AGBL1: variants seen among roughly 807,000 people sequenced by gnomAD.
The protein encoded by AGBL1 is AGBL carboxypeptidase 1, also known as cytosolic carboxypeptidase 4.
In AGBL1, 130 loss-of-function variants were observed where a neutral mutation model predicts 118.9. The ratio of observed to expected loss-of-function variants is 1.09; its 90% CI spans 0.95 to 1.26. AGBL1 has a LOEUF of 1.26. Among genes scored for constraint, AGBL1 ranks in the 50% most tolerant of loss-of-function variants. The probability of loss-of-function intolerance (pLI) is 0.00; values close to 1 mark genes in which losing one functional copy is unlikely to be tolerated. For missense variants in AGBL1, 1,584 were observed against 1,298.1 expected (o/e 1.22, Z -3.38); for synonymous variants, 555 against 478.9 (o/e 1.16, Z -2.08).
intron 23 of AGBL1, among the ~76,000 whole-genome samples, chr15:86,961,710 C>T (rs2080994780): frequency 6.6e-6 from 1 of 152,058 alleles, no homozygotes; most frequent in African/African-American, 2.4e-5. Context: ...AGGCCGGGGG[C>T]TCAGATGTTT....
chr15:86,114,754 C>A (rs1169203403), intron 1 of AGBL1, among the ~76,000 whole-genome samples: 2 of 152,114 alleles, frequency 1.3e-5, no homozygotes, highest in African/African-American at 4.8e-5. Flanking sequence ...GTGCAAATGA[C>A]AACCCACACC....
intron 17 of AGBL1, among the ~76,000 whole-genome samples, chr15:86,384,959 A>G (rs1184312198): frequency 4.6e-5 from 7 of 152,186 alleles, no homozygotes; most frequent in African/African-American, 1.7e-4. Flanking sequence ...CCATTGGGGT[A>G]TAGTAAACTT....
intron 22 of AGBL1, among the ~76,000 whole-genome samples, chr15:86,676,444 CAGAG>C (rs911490669): frequency 1.3e-4 from 20 of 152,064 alleles, no homozygotes; most frequent in African/African-American, 4.1e-4. Context: ...AAAAAGATGA[CAGAG>C]AGAAAAATTT....
intron 16 of AGBL1, among the ~76,000 whole-genome samples, chr15:86,293,166 C>G (rs1445464472): frequency 6.6e-6 from 1 of 152,136 alleles, no homozygotes; most frequent in Non-Finnish European, 1.5e-5. Context: ...TTAGGACATT[C>G]TTTTTCCCTT....
chr15:86,603,006 A>T (rs552352431), intron 21 of AGBL1, among the ~76,000 whole-genome samples: 34 of 152,222 alleles, frequency 2.2e-4, no homozygotes, highest in African/African-American at 8.2e-4. Flanking sequence ...GCAATTGTAG[A>T]TGAAGCCCCA....
intron 24 of AGBL1, among the ~76,000 whole-genome samples, chr15:87,021,826 G>C (rs1579553): frequency 0.35 from 53,293 of 151,936 alleles, 9,797 homozygotes; most frequent in East Asian, 0.51. Context: ...TTCTGCTCCA[G>C]AACAACTGCA....
chr15:86,754,013 AGAAAC>A (rs2077896797), intron 22 of AGBL1, among the ~76,000 whole-genome samples: 1 of 152,146 alleles, frequency 6.6e-6, no homozygotes, highest in Admixed American at 6.6e-5. Context: ...TCCACAGAAA[AGAAAC>A]CTAAATCAGG....
chr15:86,628,971 C>T lies in AGBL1; in HGVS notation c.2995-45302C>T, dbSNP rs965994397. ...AATTAATATGTCAGTCACCTTACAT[C>T]GTTAACTTTTTTGTGTATCTGATGA... On this transcript the variant is annotated intron_variant, in intron 21 of 22. Coordinates refer to ENST00000614907, the MANE Select transcript of AGBL1 (RefSeq NM_001386094.1). Among the ~76,000 whole-genome samples, 8 of 152,092 alleles carry T rather than the reference C, an allele frequency of 5.3e-5. No homozygotes were observed. In the South Asian group the frequency reaches 1.2e-3, roughly 24 times the overall value.
At chr15:86,547,758 G>T (rs1567051495) in intron 20 of AGBL1, among the ~76,000 whole-genome samples, 1 of 152,152 alleles carries the variant, frequency 6.6e-6, no homozygotes, top group Non-Finnish European at 1.5e-5. Context: ...TGGGTCAGTT[G>T]TCTGAGCCTC....
chr15:86,284,781 G>A (rs35355299), intron 16 of AGBL1, among the ~76,000 whole-genome samples: 1 of 152,174 alleles, frequency 6.6e-6, no homozygotes, highest in African/African-American at 2.4e-5. Flanking sequence ...GGTCAAGGAA[G>A]TCTTTTATCA....
intron 6 of AGBL1, among the ~76,000 whole-genome samples, chr15:86,228,050 T>C (rs1267079982): frequency 6.6e-6 from 1 of 152,178 alleles, no homozygotes; most frequent in Non-Finnish European, 1.5e-5. Flanking sequence ...TACCAGCCTA[T>C]CAAAAGTATT....
At chr15:86,733,901 T>C (rs2077559802) in intron 22 of AGBL1, among the ~76,000 whole-genome samples, 1 of 152,068 alleles carries the variant, frequency 6.6e-6, no homozygotes, top group African/African-American at 2.4e-5. Flanking sequence ...TCTGCCTTCA[T>C]ACACTTACTG....
chr15:86,378,269 T>C (rs1270858494), intron 17 of AGBL1, among the ~76,000 whole-genome samples: 1 of 152,190 alleles, frequency 6.6e-6, no homozygotes, highest in Non-Finnish European at 1.5e-5. Context: ...TAAAATAATA[T>C]CATATTTCTC....
rs544210578 is a variant in AGBL1, at chr15:86,565,181, C to T, written c.2994+10644C>T. On this transcript the variant is annotated intron_variant, in intron 21 of 22. Coordinates refer to ENST00000614907, the MANE Select transcript of AGBL1 (RefSeq NM_001386094.1). The stretch of plus-strand genomic sequence containing the variant: ...TTGTTCCATTGCTGGCGAGGAGCTG[C>T]GTTCCTTTGGAGGGGGAGAGGCACT... Among the ~76,000 whole-genome samples the T allele has an allele frequency of 1.6e-3, 241 of 152,334 alleles. 1 individual carries two copies. The South Asian group carries it at 0.031, about 20-fold the overall frequency.
intron 22 of AGBL1, among the ~76,000 whole-genome samples, chr15:86,824,498 T>C (rs1402173704): frequency 6.6e-6 from 1 of 152,010 alleles, no homozygotes; most frequent in East Asian, 1.9e-4. Flanking sequence ...ATAGTAAAGA[T>C]GATATTTATC....
chr15:86,601,635 A>G (rs779845801), intron 21 of AGBL1, among the ~76,000 whole-genome samples: 11 of 152,180 alleles, frequency 7.2e-5, no homozygotes, highest in Non-Finnish European at 1.5e-4. Context: ...ATTAAGACTT[A>G]AGAAGAAGGC....
At chr15:86,223,163 C>T (rs2078305693) in intron 5 of AGBL1, among the ~76,000 whole-genome samples, 1 of 152,116 alleles carries the variant, frequency 6.6e-6, no homozygotes, top group South Asian at 2.1e-4. Context: ...CCACCTGTCC[C>T]TCCCCACCAC....
chr15:86,558,667 G>C (rs989856932), intron 21 of AGBL1, among the ~76,000 whole-genome samples: 3 of 152,170 alleles, frequency 2.0e-5, no homozygotes, highest in African/African-American at 4.8e-5. Flanking sequence ...TTAAATTGTT[G>C]GAGATGGTTT....
chr15:86,461,923 G>A (rs1451196669), intron 18 of AGBL1, among the ~76,000 whole-genome samples: 1 of 152,106 alleles, frequency 6.6e-6, no homozygotes. Context: ...GTGAGCAAAC[G>A]GCTTGCAACA....
Sources: gnomAD v4.1 joint callset for allele counts (sites outside exome capture counted in the v4.1 genomes callset) on GRCh38, gnomAD v4.1.1 for gene constraint, MANE v1.5 for transcripts, NCBI Gene and HGNC (gene_info 2026-07-23, HGNC 2026-07-21) for gene names.